RBFOX1: variants seen among roughly 807,000 people sequenced by gnomAD.
RBFOX1 encodes the protein RNA binding protein fox-1 homolog 1.
In RBFOX1, 8 loss-of-function variants were observed where a neutral mutation model predicts 57.7. The ratio of observed to expected loss-of-function variants is 0.14; its 90% CI spans 0.08 to 0.25. RBFOX1 has a LOEUF of 0.25. RBFOX1 is among the 10% of genes least tolerant of loss of function. The probability of loss-of-function intolerance (pLI) is 1.00; values close to 1 mark genes in which losing one functional copy is unlikely to be tolerated. For synonymous variants in RBFOX1, 326 were observed against 222.4 expected (o/e 1.47, Z -4.15); for missense variants, 611 against 548.5 (o/e 1.11, Z -1.14).
chr16:6,988,005 G>C (rs990061619), intron 3 of RBFOX1, among the ~76,000 whole-genome samples: 1 of 152,098 alleles, frequency 6.6e-6, no homozygotes, highest in Non-Finnish European at 1.5e-5. Flanking sequence ...CGTCATCATG[G>C]TTATGTTTCT....
chr16:6,885,992 A>C (rs2063929578), intron 3 of RBFOX1, among the ~76,000 whole-genome samples: 1 of 152,174 alleles, frequency 6.6e-6, no homozygotes, highest in African/African-American at 2.4e-5. Context: ...TGGACTTGAG[A>C]AAAGTGAAAG....
At chr16:5,977,524 T>C (rs2060089460) in intron 4 of RBFOX1, among the ~76,000 whole-genome samples, 1 of 152,128 alleles carries the variant, frequency 6.6e-6, no homozygotes, top group Admixed American at 6.6e-5. Flanking sequence ...AGCATGGCGA[T>C]GCTTCGGTTT....
chr16:7,219,456 C>G (rs867646784), intron 4 of RBFOX1, among the ~76,000 whole-genome samples: 1 of 152,142 alleles, frequency 6.6e-6, no homozygotes, highest in African/African-American at 2.4e-5. Flanking sequence ...GTCGGCTGCT[C>G]CAACCGTGTT....
chr16:5,245,405 C>G (rs549963039), intron 1 of RBFOX1, among the ~76,000 whole-genome samples: 63 of 152,274 alleles, frequency 4.1e-4, no homozygotes, highest in African/African-American at 1.4e-3. Flanking sequence ...CAGGTTTGGG[C>G]TGGAGACTCG....
At chr16:5,730,647 C>T (rs555834298) in intron 3 of RBFOX1, among the ~76,000 whole-genome samples, 2 of 151,926 alleles carry the variant, frequency 1.3e-5, no homozygotes, top group Admixed American at 6.5e-5. Context: ...ACTACCACAC[C>T]ACCACCATCG....
At chr16:6,403,809 C>G (rs1025969778) in intron 2 of RBFOX1, among the ~76,000 whole-genome samples, 8 of 152,088 alleles carry the variant, frequency 5.3e-5, no homozygotes, top group Non-Finnish European at 1.0e-4. Context: ...AAACCCTACC[C>G]CTGAGAATTA....
intron 3 of RBFOX1, among the ~76,000 whole-genome samples, chr16:5,702,503 A>G (rs935511806): frequency 1.3e-5 from 2 of 152,218 alleles, no homozygotes; most frequent in African/African-American, 4.8e-5. Flanking sequence ...CGAGGAAACT[A>G]AAGGATAATT....
At chr16:7,010,207 T>A (rs985140879) in intron 3 of RBFOX1, among the ~76,000 whole-genome samples, 4 of 152,254 alleles carry the variant, frequency 2.6e-5, no homozygotes, top group Non-Finnish European at 5.9e-5. Flanking sequence ...TATATGTCAT[T>A]ATTAAGTCCT....
intron 4 of RBFOX1, among the ~76,000 whole-genome samples, chr16:7,429,614 G>T (rs111725070): frequency 6.6e-6 from 1 of 152,150 alleles, no homozygotes; most frequent in Non-Finnish European, 1.5e-5. Flanking sequence ...GAAAATAGTC[G>T]TCAGGTGGAT....
intron 2 of RBFOX1, among the ~76,000 whole-genome samples, chr16:5,514,659 C>A (rs188172504): frequency 7.2e-5 from 11 of 151,896 alleles, no homozygotes; most frequent in Admixed American, 6.6e-4. Flanking sequence ...ACATCTCTGC[C>A]CATAGGAAGC....
At chr16:7,433,892 C>T (rs1598337888) in intron 4 of RBFOX1, among the ~76,000 whole-genome samples, 2 of 152,150 alleles carry the variant, frequency 1.3e-5, no homozygotes, top group Admixed American at 1.3e-4. Context: ...ATGAGGCCAT[C>T]TCCAAAGGAG....
intron 4 of RBFOX1, among the ~76,000 whole-genome samples, chr16:7,140,891 G>A (rs532324865): frequency 6.6e-6 from 1 of 152,310 alleles, no homozygotes; most frequent in African/African-American, 2.4e-5. Context: ...CTTCCATTAG[G>A]CGTTGGCATC....
chr16:7,320,979 C>G (rs546252891), intron 4 of RBFOX1, among the ~76,000 whole-genome samples: 3 of 152,212 alleles, frequency 2.0e-5, no homozygotes, highest in East Asian at 1.9e-4. Flanking sequence ...AGCTGAGTTC[C>G]TGATCAATAT....
At chr16:6,664,975 C>G (rs552550607) in intron 3 of RBFOX1, among the ~76,000 whole-genome samples, 1 of 152,260 alleles carries the variant, frequency 6.6e-6, no homozygotes, top group South Asian at 2.1e-4. Context: ...ATGCACTGTT[C>G]TTGTGTGCCG....
chr16:6,565,194 T>C (rs2097244165), intron 2 of RBFOX1, among the ~76,000 whole-genome samples: 1 of 151,154 alleles, frequency 6.6e-6, no homozygotes, highest in African/African-American at 2.4e-5. Context: ...ATACTACTCA[T>C]TGTAGAAAAG....
At chr16:6,603,999 C>T (rs1311416134) in intron 2 of RBFOX1, among the ~76,000 whole-genome samples, 1 of 152,106 alleles carries the variant, frequency 6.6e-6, no homozygotes, top group African/African-American at 2.4e-5. Flanking sequence ...GGGGGTTCTG[C>T]AGCTAACTGT....
At chr16:7,563,916 G>A (rs1057213928) in intron 5 of RBFOX1, among the ~76,000 whole-genome samples, 1 of 152,128 alleles carries the variant, frequency 6.6e-6, no homozygotes, top group Non-Finnish European at 1.5e-5. Flanking sequence ...TACCACCGGG[G>A]CCTGATGTAT....
At chr16:6,440,934 A>G (rs2094364876) in intron 2 of RBFOX1, among the ~76,000 whole-genome samples, 2 of 152,126 alleles carry the variant, frequency 1.3e-5, no homozygotes, top group South Asian at 2.1e-4. Flanking sequence ...TGGATGCTTG[A>G]TATTCAGAGC....
chr16:6,767,234 A>T (rs2077463253), intron 3 of RBFOX1, among the ~76,000 whole-genome samples: 1 of 151,998 alleles, frequency 6.6e-6, no homozygotes, highest in South Asian at 2.1e-4. Flanking sequence ...AGCCACAGGG[A>T]CTGGCTCCTA....
Sources: allele counts gnomAD v4.1 joint callset (sites outside exome capture counted in the v4.1 genomes callset), GRCh38; gene constraint gnomAD v4.1.1; transcripts MANE v1.5; gene names NCBI Gene and HGNC (gene_info 2026-07-23, HGNC 2026-07-21).